DOCK2: variants seen among roughly 807,000 people sequenced by gnomAD.
DOCK2 encodes dedicator of cytokinesis protein 2.
A neutral mutation model predicts 248.9 loss-of-function variants in DOCK2; 87 were observed. That is an observed-to-expected ratio of 0.35 (90% CI 0.29 to 0.42). The LOEUF (loss-of-function observed/expected upper bound fraction) is 0.42, where lower values mean the gene tolerates loss of function less well. Among genes scored for constraint, DOCK2 ranks in the 10% least tolerant of loss-of-function variants. DOCK2 has a pLI of 1.00. For missense variants in DOCK2, 1,747 were observed against 2,300.2 expected (o/e 0.76, Z 4.92); for synonymous variants, 805 against 821.6 (o/e 0.98, Z 0.35).
chr5:170,006,685 C>A (rs183000165), intron 30 of DOCK2, among the ~76,000 whole-genome samples: 114 of 152,286 alleles, frequency 7.5e-4, no homozygotes, highest in African/African-American at 2.6e-3. Flanking sequence ...AAGAAAAAAG[C>A]ATTCACTCAA....
chr5:169,929,482 A>T (rs1775637206), intron 27 of DOCK2, among the ~76,000 whole-genome samples: 1 of 152,112 alleles, frequency 6.6e-6, no homozygotes, highest in East Asian at 1.9e-4. Context: ...TATGCCTGTC[A>T]TCCCAGCACT....
chr5:169,819,465 T>C (rs917284510), intron 26 of DOCK2, among the ~76,000 whole-genome samples: 2 of 151,716 alleles, frequency 1.3e-5, no homozygotes, highest in Admixed American at 6.6e-5. Context: ...TACAAAAAAT[T>C]AAAAAATTAG....
At chr5:169,873,883 T>G (rs539041133) in intron 27 of DOCK2, among the ~76,000 whole-genome samples, 42 of 152,174 alleles carry the variant, frequency 2.8e-4, no homozygotes, top group African/African-American at 9.6e-4. Context: ...CTCAGTGATG[T>G]GAAGCCCTTG....
intron 35 of DOCK2, 132 bp downstream of exon 35, chr5:170,034,687 G>A: frequency 7.7e-7 from 1 of 1,300,940 alleles, no homozygotes; most frequent in Admixed American, 2.7e-5. Context: ...AATGTGGAAT[G>A]GAACGTCTGC....
chr5:169,922,064 T>C (rs1206144466), intron 27 of DOCK2, among the ~76,000 whole-genome samples: 1 of 152,264 alleles, frequency 6.6e-6, no homozygotes, highest in African/African-American at 2.4e-5. Flanking sequence ...CTTTCTATTC[T>C]GCTCATTTCC....
intron 27 of DOCK2, among the ~76,000 whole-genome samples, chr5:169,896,180 G>A (rs1773594505): frequency 2.0e-5 from 3 of 152,110 alleles, no homozygotes; most frequent in Admixed American, 2.0e-4. Context: ...CCTGGGGTCG[G>A]GGGGCGGGGA....
intron 26 of DOCK2, among the ~76,000 whole-genome samples, chr5:169,830,833 T>C (rs1769177632): frequency 6.6e-6 from 1 of 152,182 alleles, no homozygotes; most frequent in Non-Finnish European, 1.5e-5. Context: ...TGATCCAGCT[T>C]GCGAGCCCCA....
At chr5:169,718,932 A>C (rs1762048096) in intron 22 of DOCK2, 141 bp downstream of exon 22, 1 of 1,117,724 alleles carries the variant, frequency 8.9e-7, no homozygotes, top group Admixed American at 3.0e-5. Context: ...CAACCTAGAG[A>C]GTAATGAATA....
intron 6 of DOCK2, among the ~76,000 whole-genome samples, chr5:169,676,934 G>A (rs771626869): frequency 3.9e-4 from 60 of 152,226 alleles, no homozygotes; most frequent in African/African-American, 1.4e-3. Context: ...CTTCTGAAGC[G>A]CTCACTGTAC....
chr5:170,065,676 G>A (rs567741251), intron 44 of DOCK2, among the ~76,000 whole-genome samples: 1 of 152,334 alleles, frequency 6.6e-6, no homozygotes, highest in African/African-American at 2.4e-5. Flanking sequence ...GAGAGAGCTT[G>A]TGCAGGGAAA....
At chr5:169,984,104 T>C (rs1457940791) in intron 28 of DOCK2, among the ~76,000 whole-genome samples, 1 of 152,172 alleles carries the variant, frequency 6.6e-6, no homozygotes, top group East Asian at 1.9e-4. Flanking sequence ...TACATAACCC[T>C]CACAAAAGTA....
intron 25 of DOCK2, chr5:169,773,317 A>G (rs539990668): frequency 3.9e-5 from 6 of 152,344 alleles, no homozygotes; most frequent in African/African-American, 1.4e-4. Context: ...AAGGAAAAAA[A>G]TCTGTCTTAA....
chr5:169,890,157 T>C (rs1193812082), intron 27 of DOCK2, among the ~76,000 whole-genome samples: 1 of 152,358 alleles, frequency 6.6e-6, no homozygotes, highest in South Asian at 2.1e-4. Flanking sequence ...GGGGCTCTGG[T>C]GGAGACCCCG....
chr5:169,864,307 T>G (rs1360136986), intron 27 of DOCK2: 5 of 1,551,678 alleles, frequency 3.2e-6, no homozygotes, highest in South Asian at 1.2e-5. Flanking sequence ...TTTCACCTTC[T>G]TGGTTTTCCG....
chr5:169,892,881 TG>T (rs1379621811), intron 27 of DOCK2, among the ~76,000 whole-genome samples: 3 of 152,124 alleles, frequency 2.0e-5, no homozygotes, highest in African/African-American at 7.2e-5. Flanking sequence ...TGTTTCCCTC[TG>T]TCTTCACTCC....
At chr5:169,810,877 C>T (rs1026592299) in intron 26 of DOCK2, among the ~76,000 whole-genome samples, 2 of 151,896 alleles carry the variant, frequency 1.3e-5, no homozygotes, top group Admixed American at 6.6e-5. Context: ...ACTCCCATTC[C>T]ACATGCCCCC....
intron 27 of DOCK2, among the ~76,000 whole-genome samples, chr5:169,905,493 G>T (rs531547356): frequency 6.6e-6 from 1 of 152,306 alleles, no homozygotes; most frequent in South Asian, 2.1e-4. Context: ...ATAGCTCGAG[G>T]CTGCCAGGCA....
chr5:170,066,945 T>C (rs1489941754), intron 44 of DOCK2, among the ~76,000 whole-genome samples: 1 of 152,234 alleles, frequency 6.6e-6, no homozygotes, highest in African/African-American at 2.4e-5. Context: ...CCAGATCTCA[T>C]GCTCTTGCAA....
chr5:169,670,461 T>C (rs1351193366), intron 3 of DOCK2, 81 bp from the exon 4 acceptor site: 2 of 1,486,022 alleles, frequency 1.3e-6, no homozygotes, highest in Admixed American at 4.6e-5. Flanking sequence ...GGAAAAAAAT[T>C]ATAAAGACGT....
Sources: allele counts gnomAD v4.1 joint callset (sites outside exome capture counted in the v4.1 genomes callset), GRCh38; gene constraint gnomAD v4.1.1; transcripts MANE v1.5; gene names NCBI Gene and HGNC (gene_info 2026-07-23, HGNC 2026-07-21).